Variants in TENM1 observed in about 807,000 individuals in gnomAD.
The protein encoded by TENM1 is teneurin transmembrane protein 1.
A neutral mutation model predicts 174.8 loss-of-function variants in TENM1; 35 were observed. The ratio of observed to expected loss-of-function variants is 0.20; its 90% CI spans 0.15 to 0.27. The LOEUF (loss-of-function observed/expected upper bound fraction) is 0.27, where lower values mean the gene tolerates loss of function less well. Ranked by LOEUF, TENM1 falls within the 10% of genes least tolerant of loss-of-function variation. The pLI is 1.00. For missense variants in TENM1, 1,633 were observed against 2,130.1 expected (o/e 0.77, Z 4.59); for synonymous variants, 781 against 798.7 (o/e 0.98, Z 0.37).
At position 124,403,002 on chromosome X, in the gene TENM1, C is replaced by T. The variant is rs548507123; in HGVS notation, c.5391+2029G>A. On this transcript the variant is annotated intron_variant, in intron 27 of 31. Transcript: ENST00000422452. Reference sequence around the variant, plus strand: ...TTCCGATAGAAATCTTTACTGCTACCCACACATTGGTTTGATATTTGGATT... The same window carrying T: ...TTCCGATAGAAATCTTTACTGCTACTCACACATTGGTTTGATATTTGGATT... 2.3e-4 allele frequency among the ~76,000 whole-genome samples: 26 copies of T among 111,792 alleles called. No homozygotes were observed. The Middle Eastern group carries it at 0.014, about 60-fold the overall frequency.
intron 3 of TENM1, among the ~76,000 whole-genome samples, chrX:124,870,161 C>A (rs774974173): frequency 1.8e-5 from 2 of 111,750 alleles, no homozygotes; most frequent in South Asian, 7.6e-4. Context: ...TAGTTCATAT[C>A]AATCAAAACC....
chrX:124,391,576 C>T lies in TENM1; in HGVS notation c.5688+476G>A, dbSNP rs780397848. On this transcript the variant is annotated intron_variant, in intron 28 of 31. Coordinates refer to ENST00000422452, the Ensembl canonical transcript of TENM1. The stretch of plus-strand genomic sequence containing the variant: ...AATGAGGCCCCACTACCACCATTCC[C>T]GCAGGCTGATTACTTTTGGAAATTA... 1.3e-4 allele frequency among the ~76,000 whole-genome samples: 15 copies of T among 111,616 alleles called. No individual in the cohort carries two copies. The East Asian group carries it at 2.5e-3, about 19-fold the overall frequency.
chrX:124,425,729 A>C (rs1394741283), intron 23 of TENM1, among the ~76,000 whole-genome samples: 1 of 112,074 alleles, frequency 8.9e-6, no homozygotes, highest in African/African-American at 3.2e-5. Flanking sequence ...GCACATGTCC[A>C]GTTTTGTTTT....
chrX:124,868,121 GA>G (rs200905920), intron 3 of TENM1, among the ~76,000 whole-genome samples: 1,152 of 110,812 alleles, frequency 0.01, 12 homozygotes, highest in African/African-American at 0.036. Context: ...CACAGAAACA[GA>G]AAAAAAATCC....
chrX:124,845,344 A>G (rs2056585629), intron 3 of TENM1, among the ~76,000 whole-genome samples: 2 of 111,157 alleles, frequency 1.8e-5, no homozygotes, highest in South Asian at 7.5e-4. Flanking sequence ...TTGATTCAGT[A>G]AGTCTTCAGT....
Position 124,520,791 on chromosome X carries a change from T to TAAAAAAAAA in TENM1, c.3034-16_3034-8dup, listed in dbSNP as rs112813437. The TAAAAAAAAA allele has an allele frequency of 1.6e-6, 1 of 615,652 alleles. No individual in the cohort carries two copies. The allele number at this position is 615,652 out of a possible 1,213,427, so 50.7% of individuals were successfully genotyped here. A position where few individuals can be genotyped will look rare whatever the true frequency, so the allele number is the denominator to read the frequency against. On this transcript the variant is annotated splice_polypyrimidine_tract_variant and splice_region_variant and intron_variant, in intron 17 of 31. Coordinates refer to ENST00000422452, the Ensembl canonical transcript of TENM1. ...GAATTTCCTCCTGTACAACCTGAAATAAAAAAAAAAAAAAAAAGCCAAATA... is the reference window on the plus strand; with the variant it reads ...GAATTTCCTCCTGTACAACCTGAAATAAAAAAAAAAAAAAAAAAAAAAAAAAGCCAAATA...
chrX:124,955,478 T>A (rs761952100), intron 1 of TENM1, among the ~76,000 whole-genome samples: 8 of 111,654 alleles, frequency 7.2e-5, no homozygotes, highest in Non-Finnish European at 1.5e-4. Flanking sequence ...CTTTGGCTTA[T>A]GTGATACTCA....
intron 1 of TENM1, among the ~76,000 whole-genome samples, chrX:124,919,661 C>A (rs141493133): frequency 0.028 from 3,087 of 110,972 alleles, 92 homozygotes; most frequent in African/African-American, 0.092. Context: ...ATTAGTAATG[C>A]TCTATTTCTT....
At chrX:125,150,099 T>G in the TENM1 span, among the ~76,000 whole-genome samples, 1 of 109,649 alleles carries the variant, frequency 9.1e-6, no homozygotes, top group African/African-American at 3.3e-5. Flanking sequence ...AGGAAAGAAA[T>G]AAAAAAGAAT....
At chrX:124,380,699 C>T (rs372872379) in exon 32 of TENM1, 2 of 1,210,910 alleles carry the variant, frequency 1.7e-6, no homozygotes, top group African/African-American at 3.5e-5. Flanking sequence ...TGCCCTAATC[C>T]CCTCTTCCCC....
intron 11 of TENM1, among the ~76,000 whole-genome samples, chrX:124,614,456 T>G (rs5958542): frequency 9.0e-6 from 1 of 111,588 alleles, no homozygotes; most frequent in South Asian, 3.7e-4. Context: ...TATTCTCCTA[T>G]TTCTGGGTCA....
At chrX:124,552,093 T>C (rs1396053440) in intron 14 of TENM1, among the ~76,000 whole-genome samples, 2 of 112,068 alleles carry the variant, frequency 1.8e-5, no homozygotes, top group Non-Finnish European at 3.8e-5. Context: ...TTTGATTGAT[T>C]CAGAATTTGT....
chrX:125,116,058 T>C, the TENM1 span, among the ~76,000 whole-genome samples: 5 of 111,208 alleles, frequency 4.5e-5, no homozygotes, highest in Admixed American at 1.9e-4. Context: ...TATAGACCAA[T>C]GGAATAGAAC....
At chrX:124,818,530 C>T (rs28699548) in intron 3 of TENM1, among the ~76,000 whole-genome samples, 196 of 111,687 alleles carry the variant, frequency 1.8e-3, no homozygotes, top group African/African-American at 6.0e-3. Context: ...AATACCATGG[C>T]TATATATATC....
intron 3 of TENM1, among the ~76,000 whole-genome samples, chrX:124,757,013 C>T (rs1471355919): frequency 1.2e-4 from 13 of 112,313 alleles, no homozygotes; most frequent in Non-Finnish European, 2.1e-4. Flanking sequence ...AACCACTGGT[C>T]TCTTCAAAGC....
At chrX:124,480,392 T>C (rs1434440404) in intron 22 of TENM1, among the ~76,000 whole-genome samples, 1 of 112,179 alleles carries the variant, frequency 8.9e-6, no homozygotes, top group African/African-American at 3.2e-5. Context: ...AATCCCAATA[T>C]AGCAAACGTC....
At chrX:124,595,748 A>AAAAT (rs201166041) in intron 11 of TENM1, among the ~76,000 whole-genome samples, 355 of 95,664 alleles carry the variant, frequency 3.7e-3, no homozygotes, top group Non-Finnish European at 5.8e-3. Flanking sequence ...ATGAGTATAT[A>AAAAT]AAATAAATCA....
At chrX:124,953,630 T>C (rs1173459867) in intron 1 of TENM1, among the ~76,000 whole-genome samples, 1 of 111,539 alleles carries the variant, frequency 9.0e-6, no homozygotes, top group Non-Finnish European at 1.9e-5. Context: ...TCCTGCCCAG[T>C]AGCTGAAGTA....
intron 3 of TENM1, among the ~76,000 whole-genome samples, chrX:124,886,546 TATAGAGAGAGAG>T (rs2057390918): frequency 2.6e-5 from 2 of 76,070 alleles, no homozygotes; most frequent in East Asian, 4.2e-4. Context: ...TATATATATA[TATAGAGAGAGAG>T]AGAGAGAGAG....
Sources: gnomAD v4.1 joint callset for allele counts (sites outside exome capture counted in the v4.1 genomes callset) on GRCh38, gnomAD v4.1.1 for gene constraint, MANE v1.5 for transcripts, NCBI Gene and HGNC (gene_info 2026-07-23, HGNC 2026-07-21) for gene names.